PXDNL: variants seen among roughly 807,000 people sequenced by gnomAD.
PXDNL encodes the protein peroxidasin like.
PXDNL carries 145 observed loss-of-function variants against 150.8 expected under a neutral mutation model. The observed-to-expected ratio is 0.96, with a 90% CI of 0.84 to 1.10. The LOEUF (loss-of-function observed/expected upper bound fraction) is 1.10. Among genes scored for constraint, PXDNL ranks in the 50% least tolerant of loss-of-function variants. The pLI is 0.00. For missense variants in PXDNL, 2,087 were observed against 1,873.9 expected, an observed-to-expected ratio of 1.11 and a Z score of -2.10; for synonymous variants, 757 against 725.7, an observed-to-expected ratio of 1.04 and a Z score of -0.69.
At position 51,409,132 on chromosome 8, in the gene PXDNL, G is replaced by T; in HGVS notation, c.2492C>A (p.Pro831Gln). 1 of 1,605,328 alleles carries T rather than the reference G, an allele frequency of 6.2e-7. No homozygotes were observed. The highest frequency in any genetic ancestry group is 8.5e-7 in the Non-Finnish European group (1 of 1,178,804). The stretch of plus-strand genomic sequence containing the variant: ...GTCGTTGGTGCAGACGGAGCTGCAC[G>T]GCCGCCCATCCGAGAAGCGGGCTGT... Reference protein sequence around the residue: ...LSTARFSDGRPCSSVCTNDPP... With the variant: ...LSTARFSDGRQCSSVCTNDPP... Residue 831 changes from proline to glutamine, a missense_variant, in exon 17 of 23, where the codon CCG (proline) becomes CAG (glutamine). Pro to Gln is a moderately conservative substitution (Grantham distance 76). Transcript: ENST00000356297.
chr8:51,627,352 A>G (rs1295954636), intron 2 of PXDNL, among the ~76,000 whole-genome samples: 4 of 152,172 alleles, frequency 2.6e-5, no homozygotes, highest in Admixed American at 2.6e-4. Flanking sequence ...ATTTTTAATT[A>G]TTTGTATATG....
intron 1 of PXDNL, among the ~76,000 whole-genome samples, chr8:51,727,189 T>C (rs1053029469): frequency 2.6e-5 from 4 of 152,224 alleles, no homozygotes; most frequent in African/African-American, 9.6e-5. Context: ...CAAGATAGTT[T>C]GCATGGGAAT....
At chr8:51,492,142 TATTA>T (rs913313653) in intron 5 of PXDNL, among the ~76,000 whole-genome samples, 16 of 152,376 alleles carry the variant, frequency 1.1e-4, no homozygotes, top group African/African-American at 3.6e-4. Context: ...TTATTTTGTA[TATTA>T]ATTAAGGGCA....
chr8:51,643,792 C>T (rs1814834261), intron 2 of PXDNL, among the ~76,000 whole-genome samples: 2 of 152,168 alleles, frequency 1.3e-5, no homozygotes, highest in African/African-American at 2.4e-5. Flanking sequence ...GCAATCTACT[C>T]ATCTGACAAG....
chr8:51,394,811 T>C (rs942865941), intron 17 of PXDNL, among the ~76,000 whole-genome samples: 1 of 152,186 alleles, frequency 6.6e-6, no homozygotes, highest in African/African-American at 2.4e-5. Context: ...GCGCTGGTCC[T>C]GTGGCCACAT....
intron 1 of PXDNL, among the ~76,000 whole-genome samples, chr8:51,753,047 C>A (rs761682765): frequency 1.3e-5 from 2 of 152,182 alleles, no homozygotes; most frequent in South Asian, 4.2e-4. Flanking sequence ...TCCTGCACAT[C>A]AGTGAATATT....
At chr8:51,706,496 G>C (rs1342886126) in intron 1 of PXDNL, among the ~76,000 whole-genome samples, 1 of 152,160 alleles carries the variant, frequency 6.6e-6, no homozygotes, top group Non-Finnish European at 1.5e-5. Context: ...AGTAGATTTT[G>C]TGAGAGCTAA....
chr8:51,774,524 A>C (rs1451516337), intron 1 of PXDNL, among the ~76,000 whole-genome samples: 2 of 152,212 alleles, frequency 1.3e-5, no homozygotes, highest in African/African-American at 4.8e-5. Context: ...AGGCTTAAAA[A>C]GGTAAATTAG....
intron 1 of PXDNL, among the ~76,000 whole-genome samples, chr8:51,660,948 A>G (rs759024821): frequency 3.9e-5 from 6 of 151,916 alleles, no homozygotes; most frequent in Non-Finnish European, 8.8e-5. Context: ...GCCCTTTGCG[A>G]CCGCCCCCCA....
intron 1 of PXDNL, among the ~76,000 whole-genome samples, chr8:51,691,861 T>C (rs1183502064): frequency 6.6e-6 from 1 of 152,196 alleles, no homozygotes; most frequent in African/African-American, 2.4e-5. Context: ...TGTACATCCA[T>C]AGAGGAAGTT....
At chr8:51,510,214 T>A (rs1811383861) in intron 4 of PXDNL, among the ~76,000 whole-genome samples, 1 of 152,188 alleles carries the variant, frequency 6.6e-6, no homozygotes, top group African/African-American at 2.4e-5. Context: ...AGTTCCATTG[T>A]GCTCCTTGTC....
At chr8:51,430,817 C>A (rs1809229790) in intron 12 of PXDNL, among the ~76,000 whole-genome samples, 1 of 152,212 alleles carries the variant, frequency 6.6e-6, no homozygotes, top group African/African-American at 2.4e-5. Flanking sequence ...TCTTGCATTT[C>A]TTCTCACAAA....
Position 51,413,132 on chromosome 8 carries a change from T to C in PXDNL, c.1904+18A>G, listed in dbSNP as rs1357615554. 28 of 1,399,316 alleles carry C rather than the reference T, an allele frequency of 2.0e-5. No homozygotes were observed. Among genetic ancestry groups the C allele is most frequent in the African/African-American group, 9.9e-5 (7 of 70,782 alleles). 86.7% of individuals were successfully genotyped at this position (1,399,316 alleles called of 1,614,324 possible). On this transcript the variant is annotated intron_variant, in intron 15 of 22. Transcript: ENST00000356297. The stretch of plus-strand genomic sequence containing the variant: ...GAAATGAAAACAAGGTTTCAATCTG[T>C]GTAAAATAAATTCTTACTGTGAAAA...
intron 17 of PXDNL, among the ~76,000 whole-genome samples, chr8:51,375,652 T>A (rs530168874): frequency 2.6e-5 from 4 of 152,354 alleles, no homozygotes; most frequent in Admixed American, 2.0e-4. Context: ...AGTCTATTAT[T>A]GGAAACCATT....
chr8:51,789,405 C>T (rs1029800284), intron 1 of PXDNL, among the ~76,000 whole-genome samples: 2 of 151,984 alleles, frequency 1.3e-5, no homozygotes, highest in Non-Finnish European at 2.9e-5. Flanking sequence ...TGAGACCGGG[C>T]GTGACACAAG....
At chr8:51,403,415 C>T (rs533960205) in intron 17 of PXDNL, among the ~76,000 whole-genome samples, 7 of 152,298 alleles carry the variant, frequency 4.6e-5, no homozygotes, top group African/African-American at 1.7e-4. Context: ...CCCGGAACTC[C>T]TCTGCTGTCC....
intron 4 of PXDNL, among the ~76,000 whole-genome samples, chr8:51,525,847 T>C (rs1811759936): frequency 6.6e-6 from 1 of 152,080 alleles, no homozygotes. Context: ...CAGAACTCCA[T>C]GGTGAACCCT....
intron 21 of PXDNL, among the ~76,000 whole-genome samples, chr8:51,337,567 G>A (rs774709915): frequency 6.6e-6 from 1 of 152,164 alleles, no homozygotes; most frequent in Non-Finnish European, 1.5e-5. Context: ...AATGCCTCAC[G>A]TCTTTCAGAT....
intron 3 of PXDNL, among the ~76,000 whole-genome samples, chr8:51,586,414 C>T (rs1277964799): frequency 6.6e-6 from 1 of 152,160 alleles, no homozygotes; most frequent in Non-Finnish European, 1.5e-5. Flanking sequence ...GATAGAAATG[C>T]TTGATTGTTT....
Sources: allele counts gnomAD v4.1 joint callset (sites outside exome capture counted in the v4.1 genomes callset), GRCh38; gene constraint gnomAD v4.1.1; transcripts MANE v1.5; gene names NCBI Gene and HGNC (gene_info 2026-07-23, HGNC 2026-07-21).